EIF2B3: variants seen among roughly 807,000 people sequenced by gnomAD.
EIF2B3 encodes the protein translation initiation factor eIF2B subunit gamma.
Under a neutral mutation model 54.1 loss-of-function variants are expected in EIF2B3, and 20 were observed. The ratio of observed to expected loss-of-function variants is 0.37; its 90% CI spans 0.26 to 0.54. The LOEUF is 0.54. Among genes scored for constraint, EIF2B3 ranks in the 20% least tolerant of loss-of-function variants. The pLI is 0.86. For missense variants in EIF2B3, 448 were observed against 547.8 expected, an observed-to-expected ratio of 0.82 and a Z score of 1.82; for synonymous variants, 153 against 188.1, an observed-to-expected ratio of 0.81 and a Z score of 1.52.
At chr1:44,912,883 A>T (rs191259866) in intron 5 of EIF2B3, among the ~76,000 whole-genome samples, 43 of 152,276 alleles carry the variant, frequency 2.8e-4, no homozygotes, top group Admixed American at 2.0e-3. Context: ...ATACCAAAAC[A>T]GTGGTTTGAC....
Position 44,879,676 on chromosome 1 carries a change from C to T in EIF2B3, c.975+142G>A. The T allele has an allele frequency of 3.2e-6, 3 of 943,984 alleles. No homozygotes were observed. The South Asian group carries it at 4.3e-5, about 14-fold the overall frequency. The allele number at this position is 943,984 out of a possible 1,614,324, so 58.5% of individuals were successfully genotyped here. A position where few individuals can be genotyped will look rare whatever the true frequency, so the allele number is the denominator to read the frequency against. ...CTGCACCTGAGTACCCTAGTAGTCT[C>T]CCTTGACGTGCCAGGTCTTGCTCAA... On this transcript the variant is annotated intron_variant, in intron 8 of 11. Coordinates refer to ENST00000360403, the MANE Select transcript of EIF2B3 (RefSeq NM_020365.5).
chr1:44,977,468 C>CT (rs202094716), intron 3 of EIF2B3, among the ~76,000 whole-genome samples: 22,370 of 145,386 alleles, frequency 0.15, 1,766 homozygotes, highest in Non-Finnish European at 0.17. Flanking sequence ...TAGAGTATAT[C>CT]TTTTTTTTTT....
intron 11 of EIF2B3, among the ~76,000 whole-genome samples, chr1:44,851,734 G>A (rs1259125611): frequency 2.0e-5 from 3 of 152,062 alleles, no homozygotes; most frequent in South Asian, 2.1e-4. Context: ...ATAAGAAAGG[G>A]CAATACCTCA....
chr1:44,896,793 GAA>G (rs1410602141), intron 6 of EIF2B3, among the ~76,000 whole-genome samples: 1 of 152,184 alleles, frequency 6.6e-6, no homozygotes, highest in African/African-American at 2.4e-5. Flanking sequence ...ACAATCTCTG[GAA>G]ACTATTTAAG....
At chr1:44,926,489 C>T in intron 5 of EIF2B3, 139 bp downstream of exon 5, 1 of 693,362 alleles carries the variant, frequency 1.4e-6, no homozygotes, top group Non-Finnish European at 2.5e-6. Context: ...CATCCTGTCT[C>T]ATGGGAAAAA....
chr1:44,869,477 G>GAA (rs577790542), intron 10 of EIF2B3, among the ~76,000 whole-genome samples: 2 of 126,904 alleles, frequency 1.6e-5, no homozygotes, highest in African/African-American at 2.9e-5. Flanking sequence ...GACTATCTCG[G>GAA]AAAAAAAAAA....
intron 11 of EIF2B3, among the ~76,000 whole-genome samples, chr1:44,856,736 C>T (rs1016158446): frequency 6.6e-6 from 1 of 151,954 alleles, no homozygotes; most frequent in African/African-American, 2.4e-5. Context: ...GGGGTTAATT[C>T]CTTCAGCAAC....
At chr1:44,955,550 A>G (rs965133286) in intron 3 of EIF2B3, among the ~76,000 whole-genome samples, 1 of 152,234 alleles carries the variant, frequency 6.6e-6, no homozygotes, top group African/African-American at 2.4e-5. Context: ...CTGCATAGCA[A>G]AAGAAACTAT....
At chr1:44,858,969 G>A (rs1654524768) in intron 10 of EIF2B3, among the ~76,000 whole-genome samples, 1 of 152,148 alleles carries the variant, frequency 6.6e-6, no homozygotes, top group African/African-American at 2.4e-5. Flanking sequence ...ACCAAGAGCA[G>A]CGCCACTTGC....
intron 4 of EIF2B3, among the ~76,000 whole-genome samples, chr1:44,935,857 T>A (rs1219540257): frequency 2.0e-5 from 3 of 152,128 alleles, no homozygotes; most frequent in Non-Finnish European, 4.4e-5. Flanking sequence ...AGACTCCAAG[T>A]TTCTTAAAAT....
chr1:44,859,988 C>A (rs1045105161), intron 10 of EIF2B3, among the ~76,000 whole-genome samples: 16 of 151,892 alleles, frequency 1.1e-4, no homozygotes, highest in South Asian at 6.2e-4. Context: ...CAACTCCTGA[C>A]CTCAGGTGAT....
chr1:44,981,284 C>G (rs561315899), intron 1 of EIF2B3, 107 bp from the exon 2 acceptor site: 2 of 1,134,832 alleles, frequency 1.8e-6, no homozygotes, highest in East Asian at 4.7e-5. Context: ...CCCACTATGT[C>G]AAATGCATAA....
chr1:44,855,485 A>G (rs1303729410), intron 11 of EIF2B3, among the ~76,000 whole-genome samples: 6 of 151,976 alleles, frequency 3.9e-5, no homozygotes, highest in Non-Finnish European at 8.8e-5. Flanking sequence ...TCCCCTTCTG[A>G]GCATTTACCA....
chr1:44,948,668 C>T (rs1644129486), intron 3 of EIF2B3, among the ~76,000 whole-genome samples: 2 of 152,008 alleles, frequency 1.3e-5, no homozygotes. Flanking sequence ...ACATTTTCCT[C>T]TGGTACTTAA....
intron 3 of EIF2B3, among the ~76,000 whole-genome samples, chr1:44,953,260 A>G (rs569992192): frequency 6.7e-6 from 1 of 149,414 alleles, no homozygotes; most frequent in African/African-American, 2.4e-5. Context: ...TCATTGAAAA[A>G]AAAGAAAAAA....
chr1:44,971,097 G>T (rs1004893020), intron 3 of EIF2B3, among the ~76,000 whole-genome samples: 22 of 152,142 alleles, frequency 1.4e-4, no homozygotes, highest in African/African-American at 5.1e-4. Flanking sequence ...AAAGATCAAA[G>T]TCATGGCCGG....
chr1:44,985,143 T>G (rs1644559076), intron 1 of EIF2B3, among the ~76,000 whole-genome samples: 1 of 152,214 alleles, frequency 6.6e-6, no homozygotes, highest in Non-Finnish European at 1.5e-5. Flanking sequence ...ATATTTGTAT[T>G]TGCTTTACTA....
intron 4 of EIF2B3, 68 bp from the exon 5 acceptor site, chr1:44,926,807 G>T: frequency 7.7e-7 from 1 of 1,298,794 alleles, no homozygotes; most frequent in Non-Finnish European, 1.1e-6. Context: ...ATACACCAGG[G>T]AACACAGTAT....
chr1:44,851,127 CA>C, intron 11 of EIF2B3, 124 bp from the exon 12 acceptor site: 1 of 892,124 alleles, frequency 1.1e-6, no homozygotes, highest in East Asian at 2.6e-5. Flanking sequence ...TGCAGTGGCA[CA>C]ATCTCGGCTT....
Sources: gnomAD v4.1 joint callset for allele counts (sites outside exome capture counted in the v4.1 genomes callset) on GRCh38, gnomAD v4.1.1 for gene constraint, MANE v1.5 for transcripts, NCBI Gene and HGNC (gene_info 2026-07-23, HGNC 2026-07-21) for gene names.